Variants in STK39 observed in about 807,000 individuals in gnomAD.
STK39 encodes the protein serine/threonine kinase 39.
STK39 carries 20 observed loss-of-function variants against 77.8 expected under a neutral mutation model. The observed-to-expected ratio is 0.26, with a 90% CI of 0.18 to 0.37. STK39 has a LOEUF of 0.37. STK39 is among the 10% of genes least tolerant of loss of function. The pLI, the probability that STK39 is intolerant of heterozygous loss-of-function variation, is 1.00. For synonymous variants in STK39, 246 were observed against 234.1 expected, an observed-to-expected ratio of 1.05 and a Z score of -0.47; for missense variants, 479 against 656.5, an observed-to-expected ratio of 0.73 and a Z score of 2.95.
At chr2:168,157,523 G>GATTATGGC (rs2105574488) in intron 5 of STK39, among the ~76,000 whole-genome samples, 1 of 152,262 alleles carries the variant, frequency 6.6e-6, no homozygotes, top group Non-Finnish European at 1.5e-5. Flanking sequence ...GGAAGTCCAA[G>GATTATGGC]ATTATGGCAT....
At chr2:168,017,193 A>AT in intron 14 of STK39, 98 bp from the exon 15 acceptor site, 4 of 717,520 alleles carry the variant, frequency 5.6e-6, no homozygotes, top group Non-Finnish European at 8.6e-6. Flanking sequence ...TAACATGTGG[A>AT]TAACATTTTA....
intron 2 of STK39, among the ~76,000 whole-genome samples, chr2:168,179,339 C>A (rs1027932268): frequency 1.3e-5 from 2 of 152,134 alleles, no homozygotes; most frequent in African/African-American, 4.8e-5. Flanking sequence ...ATCTCATGTG[C>A]CAATAACTGG....
rs544267889 is a variant in STK39 at position 168,040,100 on chromosome 2, A to G, written c.1377-23005T>C. ...GCCTGTCAACACCGCACTCCGATCT[A>G]CAAATTACTCAATGACTTCCTCACA... On this transcript the variant is annotated intron_variant, in intron 14 of 17. Transcript: ENST00000355999. Among the ~76,000 whole-genome samples, 6 of 152,232 alleles carry G rather than the reference A, an allele frequency of 3.9e-5. No homozygotes were observed. The South Asian group carries it at 1.2e-3, about 32-fold the overall frequency.
In STK39 at chr2:168,118,867, T is replaced by C. The variant is rs981514924; in HGVS notation, c.1089+10674A>G. On this transcript the variant is annotated intron_variant, in intron 10 of 17. Transcript: ENST00000355999. ...GCACCCCCTAGTGACCAAAAGCTCT[T>C]TTCTGACCAAAGGAACTCTCAGTTC... is the stretch of plus-strand genomic sequence containing the variant. 2.0e-5 allele frequency among the ~76,000 whole-genome samples: 3 copies of C among 152,102 alleles called. No individual in the cohort carries two copies. The East Asian group carries it at 5.8e-4, about 29-fold the overall frequency.
At chr2:168,023,661 C>A (rs796105147) in intron 14 of STK39, among the ~76,000 whole-genome samples, 5 of 152,288 alleles carry the variant, frequency 3.3e-5, no homozygotes, top group African/African-American at 1.2e-4. Context: ...GGCACTCACA[C>A]TCTAAGACCC....
chr2:167,961,621 G>C (rs114157063), intron 17 of STK39, among the ~76,000 whole-genome samples: 2,103 of 152,246 alleles, frequency 0.014, 15 homozygotes, highest in Non-Finnish European at 0.021. Context: ...CATAATAGTT[G>C]AGCTGAAATG....
intron 14 of STK39, among the ~76,000 whole-genome samples, chr2:168,059,729 C>T (rs1298973853): frequency 6.6e-6 from 1 of 152,164 alleles, no homozygotes; most frequent in African/African-American, 2.4e-5. Context: ...TTCTAAGTTG[C>T]TAAGTTTGTG....
rs1226196668 is a variant in STK39 at position 168,247,453 on chromosome 2, C to A, written c.-18G>T. The A allele has an allele frequency of 1.5e-6, 2 of 1,310,040 alleles. No individual in the cohort carries two copies. The highest frequency in any genetic ancestry group is 2.0e-6 in the Non-Finnish European group (2 of 1,016,106). 81.2% of individuals were successfully genotyped at this position (1,310,040 alleles called of 1,614,324 possible). ...TCCGCCATGATGCTGCGGAGGAGAG[C>A]AGGAGGACGCGCCGGCCGACGGACG... On this transcript the variant is annotated 5_prime_UTR_variant, in exon 1 of 18. Coordinates refer to ENST00000355999, the MANE Select transcript of STK39 (RefSeq NM_013233.3).
At chr2:168,080,377 C>G (rs930278823) in intron 10 of STK39, among the ~76,000 whole-genome samples, 34 of 152,176 alleles carry the variant, frequency 2.2e-4, no homozygotes, top group Admixed American at 2.2e-3. Context: ...CACCTGTAAT[C>G]CCAGCACTTT....
rs139425452 is a variant in STK39 at position 168,195,224 on chromosome 2, C to T, written c.209-13134G>A. On this transcript the variant is annotated intron_variant, in intron 1 of 17. Transcript: ENST00000355999. Reference sequence around the variant, plus strand: ...ATAACCTGGGCAACAAAATGAGACCCCGTCCCTACAAAAATTTTTTTAAAA... The same window carrying T: ...ATAACCTGGGCAACAAAATGAGACCTCGTCCCTACAAAAATTTTTTTAAAA... 1.9e-4 allele frequency among the ~76,000 whole-genome samples: 29 copies of T among 152,206 alleles called. No homozygotes were observed. The East Asian group carries it at 4.3e-3, about 22-fold the overall frequency.
intron 1 of STK39, among the ~76,000 whole-genome samples, chr2:168,233,900 G>A (rs1690526415): frequency 6.6e-6 from 1 of 152,096 alleles, no homozygotes; most frequent in South Asian, 2.1e-4. Context: ...TCTGTGTTTA[G>A]TCATCACAAG....
chr2:168,098,143 G>A (rs192995213), intron 10 of STK39, among the ~76,000 whole-genome samples: 8 of 152,248 alleles, frequency 5.3e-5, no homozygotes, highest in Middle Eastern at 6.8e-3. Context: ...CTGGAATAGC[G>A]CCTAGCTAGT....
At chr2:168,014,744 T>C (rs539203784) in intron 15 of STK39, among the ~76,000 whole-genome samples, 12 of 152,312 alleles carry the variant, frequency 7.9e-5, no homozygotes, top group South Asian at 6.2e-4. Flanking sequence ...TTTCTACTGA[T>C]TGGTCATCTG....
chr2:168,071,799 A>G (rs1685947481), intron 12 of STK39, among the ~76,000 whole-genome samples: 1 of 151,584 alleles, frequency 6.6e-6, no homozygotes, highest in Non-Finnish European at 1.5e-5. Flanking sequence ...GAACCCGGGA[A>G]GCACAGCTTG....
At chr2:167,960,201 A>G (rs1322209141) in intron 17 of STK39, among the ~76,000 whole-genome samples, 2 of 152,074 alleles carry the variant, frequency 1.3e-5, no homozygotes, top group African/African-American at 2.4e-5. Flanking sequence ...AGAGATGGGG[A>G]GCTGAAGCCC....
At position 168,247,304 on chromosome 2, in the gene STK39, G is replaced by GGCCGGGGCCGGC; in HGVS notation, c.131_132insGCCGGCCCCGGC (p.Pro47_Ala50dup). 9.6e-7 allele frequency: 1 copy of GGCCGGGGCCGGC among 1,036,832 alleles called. No individual in the cohort carries two copies. Among genetic ancestry groups the GGCCGGGGCCGGC allele is most frequent in the Non-Finnish European group, 1.2e-6 (1 of 861,314 alleles). The allele number at this position is 1,036,832 out of a possible 1,614,324, so 64.2% of individuals were successfully genotyped here. A position where few individuals can be genotyped will look rare whatever the true frequency, so the allele number is the denominator to read the frequency against. On this transcript the variant is annotated inframe_insertion, in exon 1 of 18. Coordinates refer to ENST00000355999, the MANE Select transcript of STK39 (RefSeq NM_013233.3). ...CCTGTGCCGCCGGGGCCGGGGCCGG[G>GGCCGGGGCCGGC]GCCGGGGCCGCGGGAGCTGCCGGGG...
intron 1 of STK39, among the ~76,000 whole-genome samples, chr2:168,239,623 C>G (rs780361164): frequency 6.6e-6 from 1 of 152,348 alleles, no homozygotes; most frequent in East Asian, 1.9e-4. Context: ...AATTTTTAGA[C>G]GTCAGGCAAT....
At chr2:168,114,509 G>A (rs1378762003) in intron 10 of STK39, among the ~76,000 whole-genome samples, 1 of 152,162 alleles carries the variant, frequency 6.6e-6, no homozygotes, top group Non-Finnish European at 1.5e-5. Flanking sequence ...CTTGGAGGTT[G>A]GGAAGGTGGG....
intron 16 of STK39, among the ~76,000 whole-genome samples, chr2:168,010,162 T>C (rs1462012192): frequency 6.6e-6 from 1 of 152,230 alleles, no homozygotes; most frequent in South Asian, 2.1e-4. Context: ...GAGACATTAG[T>C]AGGTGTTTCA....
Sources: allele counts gnomAD v4.1 joint callset (sites outside exome capture counted in the v4.1 genomes callset), GRCh38; gene constraint gnomAD v4.1.1; transcripts MANE v1.5; gene names NCBI Gene and HGNC (gene_info 2026-07-23, HGNC 2026-07-21).